Variants in OTUD7A observed in about 807,000 individuals in gnomAD.
The protein encoded by OTUD7A is OTU deubiquitinase 7A.
OTUD7A carries 12 observed loss-of-function variants against 65.7 expected under a neutral mutation model. That is an observed-to-expected ratio of 0.18 (90% CI 0.12 to 0.30). The LOEUF (loss-of-function observed/expected upper bound fraction) is 0.30, where lower values mean the gene tolerates loss of function less well. OTUD7A is among the 10% of genes least tolerant of loss of function. The pLI, the probability that OTUD7A is intolerant of heterozygous loss-of-function variation, is 1.00. For missense variants in OTUD7A, 1,148 were observed against 1,304.8 expected (o/e 0.88, Z 1.85); for synonymous variants, 641 against 586.3 (o/e 1.09, Z -1.35).
chr15:31,797,476 G>A (rs1895998849), intron 1 of OTUD7A, among the ~76,000 whole-genome samples: 1 of 152,130 alleles, frequency 6.6e-6, no homozygotes, highest in Non-Finnish European at 1.5e-5. Context: ...TTCTGGCTTT[G>A]CTCTCAGCAC....
At chr15:31,670,311 G>A (rs1163200414) in intron 1 of OTUD7A, among the ~76,000 whole-genome samples, 40 of 151,948 alleles carry the variant, frequency 2.6e-4, no homozygotes, top group Admixed American at 7.2e-4. Context: ...TGGGATTGCC[G>A]GGTCAAATGT....
In OTUD7A at chr15:31,477,645, T is replaced by C. The variant is rs1038945579; in HGVS notation, c.*5649A>G. 1 of 152,214 alleles carries C rather than the reference T, an allele frequency of 6.6e-6. No homozygotes were observed. Among genetic ancestry groups the C allele is most frequent in the African/African-American group, 2.4e-5 (1 of 41,444 alleles). The allele number at this position is 152,214 out of a possible 1,614,324, so 9.4% of individuals were successfully genotyped here. On this transcript the variant is annotated 3_prime_UTR_variant, in exon 13 of 13. Coordinates refer to ENST00000307050, the MANE Select transcript of OTUD7A (RefSeq NM_001382637.1). ...TTGACATTTTCTGGCCTCTTAATAG[T>C]TTTCAATTTACTGATTTAATTTCCT...
At chr15:31,737,762 T>C (rs892872183) in intron 1 of OTUD7A, among the ~76,000 whole-genome samples, 2 of 152,208 alleles carry the variant, frequency 1.3e-5, no homozygotes, top group Admixed American at 6.5e-5. Context: ...AATGTGTTCA[T>C]ACGGGACTAT....
At chr15:31,759,630 T>A (rs1356249477) in intron 1 of OTUD7A, among the ~76,000 whole-genome samples, 1 of 152,018 alleles carries the variant, frequency 6.6e-6, no homozygotes, top group Non-Finnish European at 1.5e-5. Context: ...GCCTCCCGGG[T>A]TCAAGCAATT....
At chr15:31,857,254 G>C (rs73382625) in intron 1 of OTUD7A, among the ~76,000 whole-genome samples, 1 of 152,126 alleles carries the variant, frequency 6.6e-6, no homozygotes, top group Non-Finnish European at 1.5e-5. Flanking sequence ...GAGAGCCCAC[G>C]GTAGCACCTA....
intron 1 of OTUD7A, among the ~76,000 whole-genome samples, chr15:31,842,791 C>T (rs1897215061): frequency 6.6e-6 from 1 of 152,134 alleles, no homozygotes; most frequent in South Asian, 2.1e-4. Flanking sequence ...TCTCTCATGA[C>T]TTAAGCCATA....
chr15:31,646,723 TGCTG>T (rs1320829706), intron 3 of OTUD7A, among the ~76,000 whole-genome samples: 6 of 152,134 alleles, frequency 3.9e-5, no homozygotes, highest in Non-Finnish European at 5.9e-5. Context: ...CCTCCCGAAG[TGCTG>T]GGATTACAGG....
intron 1 of OTUD7A, among the ~76,000 whole-genome samples, chr15:31,858,022 A>C (rs1050616294): frequency 6.6e-6 from 1 of 152,234 alleles, no homozygotes; most frequent in African/African-American, 2.4e-5. Flanking sequence ...CCTTGGGGAC[A>C]AAAGTATGTA....
chr15:31,863,205 G>A (rs767139707), intron 1 of OTUD7A, among the ~76,000 whole-genome samples: 3 of 152,206 alleles, frequency 2.0e-5, no homozygotes, highest in African/African-American at 7.2e-5. Context: ...TCAGGGGCTG[G>A]TGTTGAGTGT....
intron 1 of OTUD7A, among the ~76,000 whole-genome samples, chr15:31,719,560 T>C (rs999813558): frequency 6.6e-6 from 1 of 152,140 alleles, no homozygotes; most frequent in African/African-American, 2.4e-5. Context: ...TTGGCACTGT[T>C]CCTCTGCTAC....
chr15:31,661,983 G>C (rs1047140549), intron 1 of OTUD7A, among the ~76,000 whole-genome samples: 2 of 152,096 alleles, frequency 1.3e-5, no homozygotes, highest in African/African-American at 2.4e-5. Context: ...ATGGTGCCAT[G>C]TCACATGCTC....
chr15:31,528,660 T>C (rs751964822), intron 6 of OTUD7A, among the ~76,000 whole-genome samples: 1 of 152,236 alleles, frequency 6.6e-6, no homozygotes, highest in Non-Finnish European at 1.5e-5. Context: ...CCACAGCTCC[T>C]TGGGCAGGTC....
intron 3 of OTUD7A, among the ~76,000 whole-genome samples, chr15:31,584,374 C>A (rs926951771): frequency 6.6e-6 from 1 of 152,196 alleles, no homozygotes; most frequent in Admixed American, 6.5e-5. Context: ...ATCCTGAGAA[C>A]ACTTAAGTGG....
At chr15:31,575,021 G>C (rs1889162030) in intron 3 of OTUD7A, among the ~76,000 whole-genome samples, 1 of 152,154 alleles carries the variant, frequency 6.6e-6, no homozygotes, top group South Asian at 2.1e-4. Flanking sequence ...AAAGGCTCTT[G>C]CTCTGGTTTT....
chr15:31,640,532 G>C (rs1891480689), intron 3 of OTUD7A, among the ~76,000 whole-genome samples: 1 of 152,118 alleles, frequency 6.6e-6, no homozygotes, highest in South Asian at 2.1e-4. Flanking sequence ...ATATGAGTGA[G>C]ATGTAAACCA....
chr15:31,775,642 TTTTCCCCACA>T (rs1895358012), intron 1 of OTUD7A, among the ~76,000 whole-genome samples: 1 of 152,168 alleles, frequency 6.6e-6, no homozygotes, highest in South Asian at 2.1e-4. Flanking sequence ...ACGTGATCTG[TTTTCCCCACA>T]GAGGATACTA....
intron 3 of OTUD7A, among the ~76,000 whole-genome samples, chr15:31,616,652 C>A (rs1194283590): frequency 6.6e-6 from 1 of 152,194 alleles, no homozygotes; most frequent in Non-Finnish European, 1.5e-5. Flanking sequence ...TCAAGCGATT[C>A]TCCTGCCTCA....
chr15:31,834,784 A>G (rs554460640), intron 1 of OTUD7A, among the ~76,000 whole-genome samples: 1 of 152,382 alleles, frequency 6.6e-6, no homozygotes, highest in African/African-American at 2.4e-5. Flanking sequence ...AAAAGTGGTT[A>G]TCTGCAGTGT....
At position 31,802,141 on chromosome 15, in the gene OTUD7A, G is replaced by GTA. The variant is rs1555419391; in HGVS notation, c.-100+68364_-100+68365dup. 4.5e-3 allele frequency among the ~76,000 whole-genome samples: 638 copies of GTA among 142,558 alleles called. 6 individuals carry two copies. Among genetic ancestry groups the GTA allele is most frequent in the South Asian group, 0.01 (44 of 4,288 alleles). 93.5% of individuals were successfully genotyped at this position (142,558 alleles called of 152,430 possible). Reference sequence around the variant, plus strand: ...TGTGTGTGTGTGTGTGTGTGTGTGTGTATATATATATATGTAAAGGGGAGT... The same window carrying GTA: ...TGTGTGTGTGTGTGTGTGTGTGTGTGTATATATATATATATGTAAAGGGGAGT... On this transcript the variant is annotated intron_variant, in intron 1 of 12. Coordinates refer to ENST00000307050, the MANE Select transcript of OTUD7A (RefSeq NM_001382637.1).
Sources: allele counts gnomAD v4.1 joint callset (sites outside exome capture counted in the v4.1 genomes callset), GRCh38; gene constraint gnomAD v4.1.1; transcripts MANE v1.5; gene names NCBI Gene and HGNC (gene_info 2026-07-23, HGNC 2026-07-21).